Variants in FARS2 observed in about 807,000 individuals in gnomAD.
FARS2 encodes phenylalanine--tRNA ligase, mitochondrial.
In FARS2, 40 loss-of-function variants were observed where a neutral mutation model predicts 46.4. That is an observed-to-expected ratio of 0.86 (90% confidence interval 0.67 to 1.12). The LOEUF (loss-of-function observed/expected upper bound fraction) is 1.12, where lower values mean the gene tolerates loss of function less well. Among genes scored for constraint, FARS2 ranks in the 50% most tolerant of loss-of-function variants. The pLI, the probability that FARS2 is intolerant of heterozygous loss-of-function variation, is 0.00. For synonymous variants in FARS2, 234 were observed against 214.9 expected, an observed-to-expected ratio of 1.09 and a Z score of -0.78; for missense variants, 513 against 567.9, an observed-to-expected ratio of 0.90 and a Z score of 0.98.
chr6:5,294,559 C>T (rs779507976), intron 1 of FARS2, among the ~76,000 whole-genome samples: 90 of 152,154 alleles, frequency 5.9e-4, no homozygotes, highest in Non-Finnish European at 5.4e-4. Context: ...CATGACTGTC[C>T]CCCTCGCTCC....
chr6:5,283,752 A>G (rs531548030), intron 1 of FARS2, among the ~76,000 whole-genome samples: 1 of 151,574 alleles, frequency 6.6e-6, no homozygotes, highest in Admixed American at 6.5e-5. Flanking sequence ...TTAACAGTAT[A>G]TCTCACAGAT....
In FARS2 at chr6:5,709,721, G is replaced by A. The variant is rs1379871064; in HGVS notation, c.1218-61570G>A. On this transcript the variant is annotated intron_variant, in intron 6 of 6. Coordinates refer to ENST00000274680, the MANE Select transcript of FARS2 (RefSeq NM_006567.5). ...GTGCGCATGCACGTGCATGTTGGGG[G>A]GGGTGGGGTTGTGTGTGTGTGTGTG... Among the ~76,000 whole-genome samples the A allele has an allele frequency of 1.2e-4, 12 of 100,282 alleles. 2 individuals carry two copies. The highest frequency in any genetic ancestry group is 3.5e-4 in the Admixed American group (4 of 11,298). The allele number at this position is 100,282 out of a possible 152,430, so 65.8% of individuals were successfully genotyped here. A position where few individuals can be genotyped will look rare whatever the true frequency, so the allele number is the denominator to read the frequency against.
intron 4 of FARS2, among the ~76,000 whole-genome samples, chr6:5,444,995 G>T (rs923462254): frequency 2.0e-5 from 3 of 152,158 alleles, no homozygotes; most frequent in Admixed American, 6.5e-5. Context: ...AAGATGAGGG[G>T]CCTAAATTAT....
rs771921667 is a variant in FARS2, at chr6:5,307,879, G to A, written c.-22+46219G>A. ...CTCAAGGCTCATGACCTGAGTTGGC[G>A]GAAAAGCACTTACTTACACTGCCCA... On this transcript the variant is annotated intron_variant, in intron 1 of 6. Coordinates refer to ENST00000274680, the MANE Select transcript of FARS2 (RefSeq NM_006567.5). Among the ~76,000 whole-genome samples, 2 of 151,922 alleles carry A rather than the reference G, an allele frequency of 1.3e-5. 1 individual carries two copies. The highest frequency in any genetic ancestry group is 1.3e-4 in the Admixed American group (2 of 15,254).
At chr6:5,403,013 G>A (rs1282622584) in intron 2 of FARS2, among the ~76,000 whole-genome samples, 2 of 151,662 alleles carry the variant, frequency 1.3e-5, no homozygotes, top group East Asian at 3.9e-4. Flanking sequence ...GTTTTGACTG[G>A]CATTCCTTCC....
chr6:5,273,288 A>T (rs935171036), intron 1 of FARS2, among the ~76,000 whole-genome samples: 2 of 152,188 alleles, frequency 1.3e-5, no homozygotes, highest in Admixed American at 1.3e-4. Flanking sequence ...TTCCACCAAC[A>T]GTTTACAGGG....
chr6:5,771,186 G>T (rs1241720485), intron 6 of FARS2, 105 bp from the exon 7 acceptor site: 13 of 1,288,492 alleles, frequency 1.0e-5, no homozygotes, highest in Non-Finnish European at 1.3e-5. Context: ...TCCAACCTCA[G>T]TTCTCCACTG....
intron 6 of FARS2, among the ~76,000 whole-genome samples, chr6:5,759,788 G>C (rs1309624520): frequency 6.6e-6 from 1 of 152,164 alleles, no homozygotes; most frequent in Non-Finnish European, 1.5e-5. Context: ...AGCCCACACT[G>C]TCAGAGCATG....
intron 5 of FARS2, among the ~76,000 whole-genome samples, chr6:5,594,783 G>C (rs901133117): frequency 3.3e-4 from 50 of 152,282 alleles, no homozygotes; most frequent in African/African-American, 1.1e-3. Flanking sequence ...CAAGGACAGG[G>C]GCTGTGCTGG....
At position 5,311,161 on chromosome 6, in the gene FARS2, G is replaced by T. The variant is rs1769056888; in HGVS notation, c.-22+49501G>T. 1.3e-5 allele frequency among the ~76,000 whole-genome samples: 2 copies of T among 152,226 alleles called. No homozygotes were observed. The highest frequency in any genetic ancestry group is 4.1e-4 in the South Asian group (2 of 4,838). ...TGATGATATGGTTTGTAGTTGTTGC[G>T]AGTGAAGAGGATTTGTATGTGCTGT... On this transcript the variant is annotated intron_variant, in intron 1 of 6. Transcript: ENST00000274680. This position sits in a 1 kb window ranked among gnomAD's most constrained non-coding sequence, Gnocchi z 4.1.
intron 4 of FARS2, among the ~76,000 whole-genome samples, chr6:5,436,384 G>C (rs553504755): frequency 3.9e-3 from 222 of 56,534 alleles, no homozygotes; most frequent in Middle Eastern, 0.014. Context: ...GATCTCAGTT[G>C]GTGAATCTGT....
At chr6:5,646,407 A>T (rs1367494832) in intron 6 of FARS2, among the ~76,000 whole-genome samples, 2 of 152,178 alleles carry the variant, frequency 1.3e-5, no homozygotes, top group Admixed American at 1.3e-4. Flanking sequence ...CTACCTGTGC[A>T]GTGAGGGCAG....
At chr6:5,341,090 G>A (rs1196418359) in intron 1 of FARS2, among the ~76,000 whole-genome samples, 1 of 149,694 alleles carries the variant, frequency 6.7e-6, no homozygotes, top group Non-Finnish European at 1.5e-5. Flanking sequence ...GGAGGTTGCA[G>A]TGAGCCGAGA....
intron 1 of FARS2, among the ~76,000 whole-genome samples, chr6:5,365,082 A>G (rs1248887963): frequency 2.0e-5 from 3 of 151,476 alleles, no homozygotes; most frequent in Non-Finnish European, 2.9e-5. Context: ...AAAAAAAAAA[A>G]CCCCAAACAG....
At chr6:5,406,436 GCCCTTACCACATCTCA>G (rs1393972600) in intron 3 of FARS2, among the ~76,000 whole-genome samples, 2 of 152,066 alleles carry the variant, frequency 1.3e-5, no homozygotes, top group East Asian at 3.8e-4. Flanking sequence ...CTTCCCTTCT[GCCCTTACCACATCTCA>G]CCCCGGGCAA....
chr6:5,473,547 A>G lies in FARS2; in HGVS notation c.904+42375A>G, dbSNP rs12174059. ...GTCTCAAAAAACAAAAAAAAAAACAAAAAAAAAAAACAAAAGAATACCCTG... is the reference window on the plus strand; with the variant it reads ...GTCTCAAAAAACAAAAAAAAAAACAGAAAAAAAAAACAAAAGAATACCCTG... On this transcript the variant is annotated intron_variant, in intron 4 of 6. Coordinates refer to ENST00000274680, the MANE Select transcript of FARS2 (RefSeq NM_006567.5). Among the ~76,000 whole-genome samples the G allele has an allele frequency of 1.0e-4, 10 of 97,446 alleles. 1 individual carries two copies. Among genetic ancestry groups the G allele is most frequent in the African/African-American group, 4.2e-4 (9 of 21,476 alleles). 63.9% of individuals were successfully genotyped at this position (97,446 alleles called of 152,430 possible). A position where few individuals can be genotyped will look rare whatever the true frequency, so the allele number is the denominator to read the frequency against.
At chr6:5,397,982 A>G (rs952319535) in intron 2 of FARS2, among the ~76,000 whole-genome samples, 1 of 152,122 alleles carries the variant, frequency 6.6e-6, no homozygotes, top group African/African-American at 2.4e-5. Context: ...TACATTTTTG[A>G]CAAAAATGCC....
intron 5 of FARS2, among the ~76,000 whole-genome samples, chr6:5,573,373 T>G (rs1321997237): frequency 6.6e-6 from 1 of 152,212 alleles, no homozygotes; most frequent in Admixed American, 6.5e-5. Context: ...CAGCCCTCTT[T>G]CCCTTGCTCC....
At chr6:5,596,768 G>T (rs1327632488) in intron 5 of FARS2, among the ~76,000 whole-genome samples, 1 of 152,204 alleles carries the variant, frequency 6.6e-6, no homozygotes, top group African/African-American at 2.4e-5. Context: ...GAATGCCCCT[G>T]CCAGGTTCTC....
Sources: allele counts gnomAD v4.1 joint callset (sites outside exome capture counted in the v4.1 genomes callset), GRCh38; gene constraint gnomAD v4.1.1; non-coding constraint Gnocchi (gnomAD v3.1); transcripts MANE v1.5; gene names NCBI Gene and HGNC (gene_info 2026-07-23, HGNC 2026-07-21).